The following ADGRG6 variants were observed in gnomAD, a reference collection of about 807,000 sequenced individuals.
ADGRG6 encodes the protein adhesion G protein-coupled receptor G6.
Under a neutral mutation model 142.4 loss-of-function variants are expected in ADGRG6, and 84 were observed. The observed-to-expected ratio is 0.59, with a 90% CI of 0.49 to 0.71. The LOEUF is 0.71. ADGRG6 is among the 30% of genes least tolerant of loss of function. The pLI is 0.00. For synonymous variants in ADGRG6, 521 were observed against 520.5 expected (o/e 1.00, Z -0.01); for missense variants, 1,367 against 1,466.6 (o/e 0.93, Z 1.11).
chr6:142,303,762 T>C (rs1434919399), intron 1 of ADGRG6, among the ~76,000 whole-genome samples: 1 of 152,102 alleles, frequency 6.6e-6, no homozygotes, highest in Admixed American at 6.5e-5. Flanking sequence ...TTAGATCTTA[T>C]GAGAAAAAAA....
At chr6:142,327,363 A>G (rs1778827094) in intron 2 of ADGRG6, among the ~76,000 whole-genome samples, 1 of 152,098 alleles carries the variant, frequency 6.6e-6, no homozygotes, top group African/African-American at 2.4e-5. Flanking sequence ...CAAACTTAAC[A>G]CATGGAGTTC....
chr6:142,379,429 A>G (rs543303653), intron 4 of ADGRG6, among the ~76,000 whole-genome samples: 2 of 152,304 alleles, frequency 1.3e-5, no homozygotes, highest in East Asian at 3.9e-4. Context: ...CAAATGAAAT[A>G]TAGTTTACTT....
intron 2 of ADGRG6, among the ~76,000 whole-genome samples, chr6:142,349,281 A>C (rs1562329186): frequency 6.6e-6 from 1 of 152,226 alleles, no homozygotes; most frequent in Non-Finnish European, 1.5e-5. Flanking sequence ...GTCAGGGACT[A>C]ATCTTGGAGC....
chr6:142,314,499 T>C (rs1777929161), intron 2 of ADGRG6, among the ~76,000 whole-genome samples: 1 of 152,194 alleles, frequency 6.6e-6, no homozygotes, highest in Non-Finnish European at 1.5e-5. Context: ...TGAGGAATTT[T>C]TGGAGCAGTC....
chr6:142,352,068 G>A (rs900003731), intron 2 of ADGRG6, among the ~76,000 whole-genome samples: 27 of 152,048 alleles, frequency 1.8e-4, no homozygotes, highest in Non-Finnish European at 7.4e-5. Context: ...TTTTTTTAGC[G>A]AACTTAAAAC....
chr6:142,404,450 G>A (rs796660052), intron 14 of ADGRG6, among the ~76,000 whole-genome samples: 3 of 152,106 alleles, frequency 2.0e-5, no homozygotes, highest in African/African-American at 7.2e-5. Flanking sequence ...AGACCAGGCT[G>A]GCCAACATGG....
At chr6:142,343,536 C>A (rs912409991) in intron 2 of ADGRG6, among the ~76,000 whole-genome samples, 1 of 151,702 alleles carries the variant, frequency 6.6e-6, no homozygotes, top group Admixed American at 6.6e-5. Flanking sequence ...TTTAGAGATA[C>A]ATCTTTTATT....
intron 6 of ADGRG6, among the ~76,000 whole-genome samples, chr6:142,387,165 CT>C (rs1008911583): frequency 1.3e-5 from 2 of 152,110 alleles, no homozygotes; most frequent in Non-Finnish European, 2.9e-5. Flanking sequence ...AAATAATGAT[CT>C]TTTTTATGTT....
chr6:142,402,546 C>A, intron 12 of ADGRG6, 74 bp from the exon 13 acceptor site: 1 of 769,168 alleles, frequency 1.3e-6, no homozygotes, highest in Non-Finnish European at 2.2e-6. Context: ...ATATTACACT[C>A]TACTTTGGAT....
intron 9 of ADGRG6, among the ~76,000 whole-genome samples, chr6:142,395,696 C>G (rs760609722): frequency 1.9e-4 from 29 of 152,076 alleles, no homozygotes; most frequent in Non-Finnish European, 3.1e-4. Context: ...GAACTCTTGC[C>G]ATTATTTAAT....
chr6:142,417,286 A>C lies in ADGRG6; in HGVS notation c.2952A>C (p.Leu984Phe), dbSNP rs770386496. ...TTTTTGTAACAGGTTTGCCTGCCTT[A>C]GTGGTGTCAGTTGTTCTAGCGAGCA... Reference protein sequence around the residue: ...FCIIGWGLPALVVSVVLASRN... With the variant: ...FCIIGWGLPAFVVSVVLASRN... Residue 984 changes from leucine to phenylalanine, a missense_variant, in exon 21 of 25, where the codon TTA becomes TTC. Coordinates refer to ENST00000367609, the MANE Select transcript of ADGRG6 (RefSeq NM_198569.3). 5.0e-6 allele frequency: 8 copies of C among 1,593,036 alleles called. No homozygotes were observed. The highest frequency in any genetic ancestry group is 1.7e-5 in the Admixed American group (1 of 59,576).
chr6:142,408,442 G>C (rs1353365595), intron 16 of ADGRG6, among the ~76,000 whole-genome samples, 173 bp downstream of exon 16: 1 of 152,104 alleles, frequency 6.6e-6, no homozygotes, highest in Non-Finnish European at 1.5e-5. Flanking sequence ...ACAGTAAATT[G>C]AAGCAGCTGG....
At chr6:142,394,580 ATTTTTTT>A (rs5880532) in intron 9 of ADGRG6, among the ~76,000 whole-genome samples, 1 of 132,990 alleles carries the variant, frequency 7.5e-6, no homozygotes, top group South Asian at 2.4e-4. Flanking sequence ...ATCTCTGTAG[ATTTTTTT>A]TTTTTTTTTT....
chr6:142,411,755 A>G (rs756939242), intron 18 of ADGRG6, among the ~76,000 whole-genome samples: 40 of 152,144 alleles, frequency 2.6e-4, no homozygotes, highest in Non-Finnish European at 5.7e-4. Flanking sequence ...AGGGAGAGAA[A>G]GTTAAAGAAG....
At chr6:142,304,975 A>C (rs1212852916) in intron 1 of ADGRG6, among the ~76,000 whole-genome samples, 2 of 152,236 alleles carry the variant, frequency 1.3e-5, no homozygotes, top group African/African-American at 4.8e-5. Context: ...AATGCCTTAA[A>C]AAAAAGCTTC....
At chr6:142,406,452 C>G (rs1342456166) in intron 15 of ADGRG6, among the ~76,000 whole-genome samples, 3 of 152,204 alleles carry the variant, frequency 2.0e-5, no homozygotes, top group Non-Finnish European at 2.9e-5. Context: ...TCGCTGGGCC[C>G]TTTTTAAAAA....
Position 142,437,461 on chromosome 6 carries a change from C to T in ADGRG6, c.3347C>T (p.Ala1116Val). 1.3e-6 allele frequency: 2 copies of T among 1,567,966 alleles called. No individual in the cohort carries two copies. Among genetic ancestry groups the T allele is most frequent in the Non-Finnish European group, 1.8e-6 (2 of 1,138,216 alleles). Residue 1116 changes from alanine (A) to valine (V), a missense_variant, in exon 23 of 25, where the codon GCT becomes GTT. Ala to Val is a moderately conservative substitution (Grantham distance 64). Around this residue, in one of 3 missense-constraint regions of ADGRG6, gnomAD observed 344 missense variants for 348.7 expected, o/e 0.99. Transcript: ENST00000367609. ...TTATTTATATTCATCTTCCACTGTG[C>T]TATGAAGGAGAATGTTCAGAAACAG... The part of the protein sequence containing the change: ...QGLFIFIFHC[A>V]MKENVQKQWR...
Position 142,403,913 on chromosome 6 carries a change from G to C in ADGRG6, c.2067G>C (p.Gly689=), listed in dbSNP as rs1239059121. ...TCAGCGTATCATCCCTGTTACCAGG[G>C]ACAAATGCAATTTCAAATTTTAGCA... is the stretch of plus-strand genomic sequence containing the variant. ...LALSVSSLLP[G]TNAISNFSIG... is the part of the protein sequence containing the mutation. The change falls in exon 14 of 25, where the codon GGG becomes GGC. Residue 689 remains glycine, a synonymous_variant. Transcript: ENST00000367609. 1 of 1,610,768 alleles carries C rather than the reference G, an allele frequency of 6.2e-7. No individual in the cohort carries two copies. Among genetic ancestry groups the C allele is most frequent in the African/African-American group, 1.3e-5 (1 of 74,804 alleles).
At chr6:142,376,836 A>T (rs908804926) in intron 4 of ADGRG6, among the ~76,000 whole-genome samples, 1 of 152,188 alleles carries the variant, frequency 6.6e-6, no homozygotes, top group African/African-American at 2.4e-5. Context: ...AATGAAAGGA[A>T]TTACTGTTTT....
Sources: gnomAD v4.1 joint callset for allele counts (sites outside exome capture counted in the v4.1 genomes callset) on GRCh38, gnomAD v4.1.1 for gene constraint, gnomAD v4.1.1 regional missense constraint, MANE v1.5 for transcripts, NCBI Gene and HGNC (gene_info 2026-07-23, HGNC 2026-07-21) for gene names.